The following PCDHA8 variants were observed in gnomAD, a reference collection of about 807,000 sequenced individuals.
PCDHA8 encodes protocadherin alpha 8, also known as protocadherin alpha-8.
Under a neutral mutation model 61.8 loss-of-function variants are expected in PCDHA8, and 53 were observed. That is an observed-to-expected ratio of 0.86 (90% CI 0.69 to 1.08). PCDHA8 has a LOEUF of 1.08. PCDHA8 is among the 50% of genes least tolerant of loss of function. The pLI, the probability that PCDHA8 is intolerant of heterozygous loss-of-function variation, is 0.00. For synonymous variants in PCDHA8, 618 were observed against 556.6 expected (o/e 1.11, Z -1.55); for missense variants, 1,293 against 1,245.0 (o/e 1.04, Z -0.58).
chr5:140,903,688 A>G (rs1392078626), intron 1 of PCDHA8, among the ~76,000 whole-genome samples: 13 of 152,242 alleles, frequency 8.5e-5, no homozygotes, highest in Admixed American at 7.9e-4. Flanking sequence ...TTTGGTAAAT[A>G]GTTTAAAATA....
At chr5:140,957,386 T>C (rs1461790676) in intron 1 of PCDHA8, among the ~76,000 whole-genome samples, 1 of 152,226 alleles carries the variant, frequency 6.6e-6, no homozygotes, top group Non-Finnish European at 1.5e-5. Context: ...TGTATTGTTA[T>C]AATTGTCCTA....
At chr5:140,886,330 T>C (rs1403720039) in intron 1 of PCDHA8, among the ~76,000 whole-genome samples, 1 of 152,192 alleles carries the variant, frequency 6.6e-6, no homozygotes, top group Admixed American at 6.5e-5. Context: ...CTGGGATACA[T>C]GTGCAGAACG....
intron 1 of PCDHA8, among the ~76,000 whole-genome samples, chr5:140,874,881 CCTAA>C (rs1562692558): frequency 6.6e-6 from 1 of 152,102 alleles, no homozygotes; most frequent in African/African-American, 2.4e-5. Context: ...AATACAAATT[CCTAA>C]CTTTCTCTAA....
chr5:140,927,609 C>T (rs1285751413), intron 1 of PCDHA8: 1 of 1,614,076 alleles, frequency 6.2e-7, no homozygotes, highest in Admixed American at 1.7e-5. Flanking sequence ...CCGTATACCG[C>T]ACCAAGGTTC....
At chr5:140,890,784 T>C (rs2062805881) in intron 1 of PCDHA8, among the ~76,000 whole-genome samples, 1 of 152,212 alleles carries the variant, frequency 6.6e-6, no homozygotes, top group South Asian at 2.1e-4. Flanking sequence ...CCATAAGATA[T>C]TAGTATTATT....
At chr5:140,919,498 C>A (rs1433099544) in intron 1 of PCDHA8, among the ~76,000 whole-genome samples, 1 of 152,022 alleles carries the variant, frequency 6.6e-6, no homozygotes, top group Non-Finnish European at 1.5e-5. Context: ...TTATTTTACT[C>A]CTTTTTCTAT....
intron 1 of PCDHA8, among the ~76,000 whole-genome samples, chr5:140,935,422 A>G (rs2090365671): frequency 6.6e-6 from 1 of 152,228 alleles, no homozygotes; most frequent in South Asian, 2.1e-4. Context: ...TTAGAAAACA[A>G]TTTCAGCACT....
In PCDHA8 at chr5:140,851,928, G is replaced by A. The variant is rs1294571099; in HGVS notation, c.2394+8213G>A. 4.1e-6 allele frequency: 4 copies of A among 965,790 alleles called. 1 individual carries two copies. In the African/African-American group the frequency reaches 7.1e-5, roughly 17 times the overall value. 59.8% of individuals were successfully genotyped at this position (965,790 alleles called of 1,614,324 possible). On this transcript the variant is annotated intron_variant, in intron 1 of 3. Coordinates refer to ENST00000531613, the MANE Select transcript of PCDHA8 (RefSeq NM_018911.3). Reference sequence around the variant, plus strand: ...AATGTCACTACATGTTATGTTTCCTGAATTGTAGTATGTGACTTTCAAAAT... The same window carrying A: ...AATGTCACTACATGTTATGTTTCCTAAATTGTAGTATGTGACTTTCAAAAT...
At chr5:140,964,910 A>G (rs1474342229) in intron 1 of PCDHA8, among the ~76,000 whole-genome samples, 2 of 152,206 alleles carry the variant, frequency 1.3e-5, no homozygotes, top group African/African-American at 4.8e-5. Context: ...CTTCTCTGGA[A>G]TAACACTGGC....
At chr5:140,928,932 G>T in intron 1 of PCDHA8, 5 of 1,614,108 alleles carry the variant, frequency 3.1e-6, no homozygotes, top group Non-Finnish European at 2.5e-6. Flanking sequence ...TTTCTGCCCA[G>T]AACTTGTATT....
chr5:140,901,286 C>T (rs1681382612), intron 1 of PCDHA8, among the ~76,000 whole-genome samples: 1 of 151,988 alleles, frequency 6.6e-6, no homozygotes. Flanking sequence ...AAATTTTTGC[C>T]CAGACTGATG....
chr5:140,862,493 C>G, intron 1 of PCDHA8: 1 of 388,776 alleles, frequency 2.6e-6, no homozygotes, highest in East Asian at 6.9e-5. Flanking sequence ...GGTAATCGCT[C>G]GGAATGGGGA....
chr5:140,951,046 TA>T (rs1414168325), intron 1 of PCDHA8, among the ~76,000 whole-genome samples: 1 of 152,138 alleles, frequency 6.6e-6, no homozygotes, highest in Non-Finnish European at 1.5e-5. Context: ...ATTATATTTT[TA>T]TTGCTAAAAT....
chr5:140,926,656 T>C (rs1372034097), intron 1 of PCDHA8: 1 of 513,300 alleles, frequency 1.9e-6, no homozygotes, highest in Non-Finnish European at 3.1e-6. Flanking sequence ...CGGCTCCGCT[T>C]TCCCAGACGG....
intron 1 of PCDHA8, among the ~76,000 whole-genome samples, chr5:140,890,396 A>C (rs1466548320): frequency 1.3e-5 from 2 of 152,134 alleles, no homozygotes; most frequent in African/African-American, 4.8e-5. Context: ...ATAATCTATA[A>C]ATTTTAACTT....
Position 140,842,693 on chromosome 5 carries a change from C to A in PCDHA8, c.1372C>A (p.Pro458Thr). ...VNDNAPAFAQ[P>T]EYTVFVKENN... ...CGACAATGCTCCGGCGTTCGCGCAG[C>A]CCGAGTACACGGTGTTCGTGAAGGA... is the stretch of plus-strand genomic sequence containing the variant. The change falls in exon 1 of 4, where the codon CCC (proline) becomes ACC (threonine). Residue 458 changes from proline (P) to threonine (T), a missense_variant. By Grantham distance (38) the Pro-to-Thr change is conservative. Transcript: ENST00000531613. The A allele has an allele frequency of 6.3e-7, 1 of 1,595,288 alleles. No individual in the cohort carries two copies.
At chr5:140,881,350 T>G (rs1189745119) in intron 1 of PCDHA8, 10 of 985,236 alleles carry the variant, frequency 1.0e-5, no homozygotes, top group Non-Finnish European at 1.2e-5. Context: ...CGGGCTACAA[T>G]GCGTGGCTTT....
chr5:140,977,074 T>C (rs1315038002), intron 1 of PCDHA8, among the ~76,000 whole-genome samples: 1 of 152,244 alleles, frequency 6.6e-6, no homozygotes, highest in Admixed American at 6.5e-5. Flanking sequence ...AATAGCAGCA[T>C]GACAAATTAA....
chr5:141,002,049 A>G (rs1288460436), intron 3 of PCDHA8, among the ~76,000 whole-genome samples: 1 of 152,228 alleles, frequency 6.6e-6, no homozygotes, highest in Non-Finnish European at 1.5e-5. Flanking sequence ...CTGGGCATCC[A>G]GAGGCAGCAG....
Sources: gnomAD v4.1 joint callset for allele counts (sites outside exome capture counted in the v4.1 genomes callset) on GRCh38, gnomAD v4.1.1 for gene constraint, MANE v1.5 for transcripts, NCBI Gene and HGNC (gene_info 2026-07-23, HGNC 2026-07-21) for gene names.